The following PKHD1 variants were observed in gnomAD, a reference collection of about 807,000 sequenced individuals.
PKHD1 encodes PKHD1 ciliary IPT domain containing fibrocystin/polyductin, also known as fibrocystin.
In PKHD1, 291 loss-of-function variants were observed where a neutral mutation model predicts 412.0. That is an observed-to-expected ratio of 0.71 (90% CI 0.64 to 0.78). The LOEUF is 0.78. PKHD1 is among the 30% of genes least tolerant of loss of function. The pLI is 0.00. For missense variants in PKHD1, 4,825 were observed against 4,950.7 expected (o/e 0.97, Z 0.76); for synonymous variants, 1,777 against 1,821.5 (o/e 0.98, Z 0.62).
intron 43 of PKHD1, among the ~76,000 whole-genome samples, chr6:51,895,680 G>A (rs1051033463): frequency 6.6e-6 from 1 of 152,138 alleles, no homozygotes; most frequent in Admixed American, 6.5e-5. Flanking sequence ...TGGCCGAATA[G>A]GAACAGCTCC....
chr6:51,794,471 C>T (rs1794276056), intron 52 of PKHD1, among the ~76,000 whole-genome samples: 1 of 152,036 alleles, frequency 6.6e-6, no homozygotes, highest in Non-Finnish European at 1.5e-5. Flanking sequence ...CATTCTGTAG[C>T]TTGATTACCC....
At chr6:51,807,485 A>ATATATGTGTGTGTGTG (rs765667001) in intron 52 of PKHD1, among the ~76,000 whole-genome samples, 103 of 111,754 alleles carry the variant, frequency 9.2e-4, no homozygotes, top group African/African-American at 3.8e-3. Context: ...ATATATGTAT[A>ATATATGTGTGTGTGTG]TGTGTGTGTG....
intron 57 of PKHD1, 60 bp from the exon 58 acceptor site, chr6:51,748,725 G>T: frequency 1.4e-6 from 2 of 1,403,162 alleles, no homozygotes; most frequent in Non-Finnish European, 2.0e-6. Context: ...CTGAAGAATG[G>T]CCCATTTTGG....
chr6:51,816,460 TG>T (rs1194193225), intron 52 of PKHD1, among the ~76,000 whole-genome samples: 1 of 152,204 alleles, frequency 6.6e-6, no homozygotes, highest in Non-Finnish European at 1.5e-5. Flanking sequence ...TGGTGGGCTT[TG>T]TAGCCAATAA....
intron 16 of PKHD1, among the ~76,000 whole-genome samples, chr6:52,057,678 G>A (rs1399688633): frequency 6.6e-6 from 1 of 152,166 alleles, no homozygotes; most frequent in Non-Finnish European, 1.5e-5. Flanking sequence ...GCCTCCCAAA[G>A]TGCTGGGATT....
chr6:52,080,909 A>T (rs1811937011), intron 4 of PKHD1, among the ~76,000 whole-genome samples: 1 of 152,194 alleles, frequency 6.6e-6, no homozygotes, highest in Non-Finnish European at 1.5e-5. Context: ...CAAGTGGCTA[A>T]ATAGAAAATT....
At chr6:51,656,038 C>T (rs949626319) in intron 61 of PKHD1, among the ~76,000 whole-genome samples, 2 of 152,144 alleles carry the variant, frequency 1.3e-5, no homozygotes, top group Non-Finnish European at 2.9e-5. Flanking sequence ...AAGACACATG[C>T]ACACATATGT....
At chr6:51,901,584 TG>T in intron 43 of PKHD1, among the ~76,000 whole-genome samples, 1 of 151,336 alleles carries the variant, frequency 6.6e-6, no homozygotes, top group South Asian at 2.1e-4. Flanking sequence ...GACAAGTTAG[TG>T]GGTACAGCGC....
At chr6:51,990,700 A>T (rs1796948652) in intron 35 of PKHD1, among the ~76,000 whole-genome samples, 1 of 151,428 alleles carries the variant, frequency 6.6e-6, no homozygotes, top group African/African-American at 2.4e-5. Flanking sequence ...GAACTCATTT[A>T]TTTTCCATTC....
intron 60 of PKHD1, among the ~76,000 whole-genome samples, chr6:51,683,654 T>C (rs1365205199): frequency 6.6e-6 from 1 of 152,064 alleles, no homozygotes; most frequent in Non-Finnish European, 1.5e-5. Flanking sequence ...CTAGGTTTTA[T>C]TCCATCACAT....
intron 20 of PKHD1, among the ~76,000 whole-genome samples, chr6:52,053,782 G>A (rs1394462561): frequency 1.3e-5 from 2 of 152,122 alleles, no homozygotes; most frequent in East Asian, 3.9e-4. Context: ...GTTCTCTAAG[G>A]TTTCCCCCAA....
intron 8 of PKHD1, among the ~76,000 whole-genome samples, chr6:52,071,791 AATAACCATAC>A (rs2128231218): frequency 6.6e-6 from 1 of 152,246 alleles, no homozygotes; most frequent in East Asian, 1.9e-4. Flanking sequence ...ATGTGAGACT[AATAACCATAC>A]ATACTCCCAA....
At chr6:51,832,086 A>G (rs1240453285) in intron 51 of PKHD1, among the ~76,000 whole-genome samples, 1 of 152,128 alleles carries the variant, frequency 6.6e-6, no homozygotes, top group African/African-American at 2.4e-5. Context: ...AACTGCCCTT[A>G]AAAAGTAGGG....
intron 43 of PKHD1, among the ~76,000 whole-genome samples, chr6:51,898,938 C>T (rs1007361744): frequency 1.3e-5 from 2 of 152,198 alleles, no homozygotes; most frequent in Non-Finnish European, 2.9e-5. Flanking sequence ...AATTCCTGAA[C>T]ACATACACTC....
rs185336596 is a variant in PKHD1, at chr6:51,632,288, G to A, written c.11665+277C>T. Among the ~76,000 whole-genome samples, 880 of 151,946 alleles carry A rather than the reference G, an allele frequency of 5.8e-3. 2 individuals carry two copies. The highest frequency in any genetic ancestry group is 0.01 in the Middle Eastern group (3 of 292). ...CACCCACCTCATTGGGTTGTTGTGT[G>A]GATTAAATAAATTCCTTTATCTGAA... On this transcript the variant is annotated intron_variant, in intron 65 of 66. Coordinates refer to ENST00000371117, the MANE Select transcript of PKHD1 (RefSeq NM_138694.4).
At chr6:51,744,745 C>A (rs1160785803) in intron 59 of PKHD1, among the ~76,000 whole-genome samples, 3 of 152,012 alleles carry the variant, frequency 2.0e-5, no homozygotes, top group Non-Finnish European at 2.9e-5. Flanking sequence ...TTCTTACTAA[C>A]CAAATATTTT....
At chr6:52,062,715 G>A (rs1267880616) in intron 13 of PKHD1, 55 bp from the exon 14 acceptor site, 2 of 1,606,222 alleles carry the variant, frequency 1.2e-6, no homozygotes, top group Admixed American at 3.3e-5. Context: ...CCAAATTGGG[G>A]AATTACTTTA....
intron 52 of PKHD1, among the ~76,000 whole-genome samples, chr6:51,809,227 G>A (rs372815257): frequency 4.0e-5 from 6 of 151,866 alleles, no homozygotes; most frequent in Admixed American, 6.6e-5. Flanking sequence ...ACTCTAGTTC[G>A]TCTGGCATGG....
chr6:51,979,837 G>A (rs1794916425), intron 35 of PKHD1, among the ~76,000 whole-genome samples: 1 of 152,168 alleles, frequency 6.6e-6, no homozygotes, highest in East Asian at 1.9e-4. Context: ...TTGTATGCAC[G>A]TGTTTTTTCT....
Sources: gnomAD v4.1 joint callset for allele counts (sites outside exome capture counted in the v4.1 genomes callset) on GRCh38, gnomAD v4.1.1 for gene constraint, MANE v1.5 for transcripts, NCBI Gene and HGNC (gene_info 2026-07-23, HGNC 2026-07-21) for gene names.